Variants in TMEM178A observed in about 807,000 individuals in gnomAD.
TMEM178A encodes transmembrane protein 178.
Under a neutral mutation model 29.1 loss-of-function variants are expected in TMEM178A, and 12 were observed. That is an observed-to-expected ratio of 0.41 (90% CI 0.26 to 0.67). The LOEUF (loss-of-function observed/expected upper bound fraction) is 0.67. Ranked by LOEUF, TMEM178A falls within the 30% of genes least tolerant of loss-of-function variation. The probability of loss-of-function intolerance (pLI) is 0.29; values close to 1 mark genes in which losing one functional copy is unlikely to be tolerated. For missense variants in TMEM178A, 366 were observed against 419.1 expected (o/e 0.87, Z 1.11); for synonymous variants, 210 against 187.2 (o/e 1.12, Z -0.99).
At chr2:39,679,166 GATAC>G (rs1558445719) in intron 1 of TMEM178A, among the ~76,000 whole-genome samples, 3 of 152,154 alleles carry the variant, frequency 2.0e-5, no homozygotes, top group Admixed American at 1.3e-4. Context: ...GCCAGGGATG[GATAC>G]CATCCAGGTT....
chr2:39,723,996 C>T, the TMEM178A span, among the ~76,000 whole-genome samples: 17 of 152,158 alleles, frequency 1.1e-4, no homozygotes, highest in Non-Finnish European at 1.3e-4. Context: ...AGAGCACACA[C>T]TGCACTTTGT....
At chr2:39,708,219 C>T (rs1030699592) in intron 3 of TMEM178A, among the ~76,000 whole-genome samples, 2 of 151,834 alleles carry the variant, frequency 1.3e-5, no homozygotes, top group African/African-American at 4.8e-5. Flanking sequence ...CTGGGGAAAC[C>T]GCCAGTGCCA....
the TMEM178A span, among the ~76,000 whole-genome samples, chr2:39,723,035 C>A: frequency 6.6e-6 from 1 of 152,342 alleles, no homozygotes; most frequent in Admixed American, 6.5e-5. Context: ...CTGGATCCTA[C>A]ACAAAGGGCC....
intron 1 of TMEM178A, among the ~76,000 whole-genome samples, chr2:39,676,503 T>C (rs1249362646): frequency 6.6e-6 from 1 of 152,168 alleles, no homozygotes; most frequent in East Asian, 1.9e-4. Context: ...CCAGAAGGCG[T>C]CCTGCAGACT....
the TMEM178A span, among the ~76,000 whole-genome samples, chr2:39,727,430 C>T: frequency 6.6e-6 from 1 of 152,214 alleles, no homozygotes; most frequent in Non-Finnish European, 1.5e-5. Context: ...AGCAAGATTT[C>T]TCTAAGACTT....
Position 39,707,207 on chromosome 2 carries a change from C to T in TMEM178A, c.652+21C>T, listed in dbSNP as rs2287031. ...GACAGGTAGGCTGCATGCCTCAGGC[C>T]GTCTGTCCCAGCCAAGGTGAAGGCT... On this transcript the variant is annotated intron_variant, in intron 3 of 3. Coordinates refer to ENST00000281961, the MANE Select transcript of TMEM178A (RefSeq NM_152390.3). 1.6e-3 allele frequency: 2,497 copies of T among 1,598,742 alleles called. 63 individuals are homozygous for T. In the East Asian group the frequency reaches 0.051, roughly 33 times the overall value.
chr2:39,673,751 G>T (rs182136596), intron 1 of TMEM178A, among the ~76,000 whole-genome samples: 1 of 152,232 alleles, frequency 6.6e-6, no homozygotes, highest in Non-Finnish European at 1.5e-5. Context: ...CAGGGTAGGG[G>T]CAGTGGTGGA....
chr2:39,724,143 C>A, the TMEM178A span, among the ~76,000 whole-genome samples: 3 of 152,150 alleles, frequency 2.0e-5, no homozygotes, highest in Non-Finnish European at 2.9e-5. Flanking sequence ...GCACTTCCCC[C>A]ACAGAACATT....
At position 39,669,073 on chromosome 2, in the gene TMEM178A, T is replaced by G. The variant is rs552524139; in HGVS notation, c.400+2699T>G. Among the ~76,000 whole-genome samples the G allele has an allele frequency of 3.3e-5, 5 of 152,312 alleles. No individual in the cohort carries two copies. In the East Asian group the frequency reaches 9.6e-4, roughly 29 times the overall value. On this transcript the variant is annotated intron_variant, in intron 1 of 3. Coordinates refer to ENST00000281961, the MANE Select transcript of TMEM178A (RefSeq NM_152390.3). ...TCCATTCTTTCTTCTATGAGTTACC[T>G]TGTTTATGAGTCTTAGCATCGTTTA...
chr2:39,732,013 T>C, the TMEM178A span, among the ~76,000 whole-genome samples: 1 of 152,180 alleles, frequency 6.6e-6, no homozygotes, highest in Non-Finnish European at 1.5e-5. Context: ...AACATGTCCA[T>C]CCACATTCCT....
the TMEM178A span, among the ~76,000 whole-genome samples, chr2:39,725,882 C>T: frequency 6.6e-6 from 1 of 152,198 alleles, no homozygotes; most frequent in African/African-American, 2.4e-5. Context: ...CATCTCAATA[C>T]TGTGGAACAA....
At chr2:39,674,673 A>T (rs907802729) in intron 1 of TMEM178A, among the ~76,000 whole-genome samples, 12 of 152,092 alleles carry the variant, frequency 7.9e-5, no homozygotes, top group Non-Finnish European at 1.5e-4. Flanking sequence ...AAAACAAAAT[A>T]AAAAAAATTA....
Position 39,666,062 on chromosome 2 carries a change from C to G in TMEM178A, c.88C>G (p.His30Asp). Residue 30 changes from histidine (H) to aspartate (D), a missense_variant, in exon 1 of 4, where the codon CAC becomes GAC. His to Asp is a moderately conservative substitution (Grantham distance 81). This residue lies in a region of TMEM178A where 247 missense variants were observed against 246.8 expected (regional missense o/e 1.00). Coordinates refer to ENST00000281961, the MANE Select transcript of TMEM178A (RefSeq NM_152390.3). ...GCTCGTCACGGCCATCTTCACCGAC[C>G]ACTGGTACGAGACCGACCCCCGGCG... is the stretch of plus-strand genomic sequence containing the variant. Reference protein sequence around the residue: ...GLLVTAIFTDHWYETDPRRHK... With the variant: ...GLLVTAIFTDDWYETDPRRHK... 1 of 1,565,330 alleles carries G rather than the reference C, an allele frequency of 6.4e-7. No individual in the cohort carries two copies. Among genetic ancestry groups the G allele is most frequent in the Non-Finnish European group, 8.6e-7 (1 of 1,159,328 alleles).
downstream of TMEM178A, among the ~76,000 whole-genome samples, chr2:39,719,850 A>T (rs1672668632): frequency 6.6e-6 from 1 of 152,120 alleles, no homozygotes; most frequent in Non-Finnish European, 1.5e-5. Context: ...ATTTCCCAGG[A>T]TATGGGAAAC....
chr2:39,690,798 G>A (rs1385249217), intron 1 of TMEM178A, among the ~76,000 whole-genome samples: 1 of 152,226 alleles, frequency 6.6e-6, no homozygotes, highest in Non-Finnish European at 1.5e-5. Flanking sequence ...TTGTCTTAAA[G>A]AAGCTCTGTA....
At chr2:39,698,276 G>A (rs190048490) in intron 1 of TMEM178A, among the ~76,000 whole-genome samples, 1 of 152,264 alleles carries the variant, frequency 6.6e-6, no homozygotes, top group Non-Finnish European at 1.5e-5. Flanking sequence ...ATAGCCTCAG[G>A]CTAGTTACTT....
chr2:39,689,550 G>T (rs1387916357), intron 1 of TMEM178A, among the ~76,000 whole-genome samples: 1 of 152,190 alleles, frequency 6.6e-6, no homozygotes, highest in Non-Finnish European at 1.5e-5. Context: ...ATAGAATGAT[G>T]GTTGCTAGGA....
In TMEM178A at chr2:39,679,863, A is replaced by T. The variant is rs116752737; in HGVS notation, c.400+13489A>T. Among the ~76,000 whole-genome samples, 567 of 152,286 alleles carry T rather than the reference A, an allele frequency of 3.7e-3. 3 individuals are homozygous for T. The highest frequency in any genetic ancestry group is 0.013 in the African/African-American group (547 of 41,546). On this transcript the variant is annotated intron_variant, in intron 1 of 3. Coordinates refer to ENST00000281961, the MANE Select transcript of TMEM178A (RefSeq NM_152390.3). ...AGACTCTTGGTTGCTGTCCTTCATC[A>T]GGCTCTTCACTGAACCACCCTGCTG... is the stretch of plus-strand genomic sequence containing the variant.
At chr2:39,706,970 A>T in intron 2 of TMEM178A, 79 bp from the exon 3 acceptor site, 1 of 1,514,140 alleles carries the variant, frequency 6.6e-7, no homozygotes, top group Non-Finnish European at 8.9e-7. Flanking sequence ...TTCACAATGT[A>T]TACAAAGCCC....
Sources: allele counts gnomAD v4.1 joint callset (sites outside exome capture counted in the v4.1 genomes callset), GRCh38; gene constraint gnomAD v4.1.1; regional missense constraint gnomAD v4.1.1; transcripts MANE v1.5; gene names NCBI Gene and HGNC (gene_info 2026-07-23, HGNC 2026-07-21).